Variants in PKNOX1 observed in about 807,000 individuals in gnomAD.
PKNOX1 encodes the protein PBX/knotted 1 homeobox 1.
PKNOX1 carries 15 observed loss-of-function variants against 51.9 expected under a neutral mutation model. The observed-to-expected ratio is 0.29, with a 90% CI of 0.19 to 0.45. The LOEUF (loss-of-function observed/expected upper bound fraction) is 0.45, where lower values mean the gene tolerates loss of function less well. Ranked by LOEUF, PKNOX1 falls within the 20% of genes least tolerant of loss-of-function variation. The pLI, the probability that PKNOX1 is intolerant of heterozygous loss-of-function variation, is 1.00. For synonymous variants in PKNOX1, 219 were observed against 211.1 expected (o/e 1.04, Z -0.32); for missense variants, 462 against 547.5 (o/e 0.84, Z 1.56).
intron 1 of PKNOX1, among the ~76,000 whole-genome samples, chr21:42,980,166 A>G (rs543192933): frequency 9.9e-5 from 15 of 152,184 alleles, no homozygotes; most frequent in African/African-American, 3.6e-4. Context: ...TGAGGTCAGG[A>G]GTTTGAGACC....
intron 6 of PKNOX1, 67 bp downstream of exon 6, chr21:43,017,074 A>T (rs765559454): frequency 9.9e-7 from 1 of 1,006,342 alleles, no homozygotes; most frequent in Admixed American, 1.8e-5. Context: ...GTGTGTTAGA[A>T]TGACAGTATA....
rs1489895622 is a variant in PKNOX1, at chr21:43,022,799, T to C, written c.849+1368T>C. Among the ~76,000 whole-genome samples the C allele has an allele frequency of 7.2e-5, 11 of 152,242 alleles. No homozygotes were observed. In the East Asian group the frequency reaches 1.9e-3, roughly 27 times the overall value. ...CTGGTTTGATGGAGTATCATATGCA[T>C]AGTTAACATGAGGAATGAGGGCTCT... is the stretch of plus-strand genomic sequence containing the variant. On this transcript the variant is annotated intron_variant, in intron 8 of 10. Transcript: ENST00000291547.
intron 1 of PKNOX1, among the ~76,000 whole-genome samples, chr21:42,982,731 C>CA (rs10658050): frequency 0.21 from 26,835 of 129,764 alleles, 3,148 homozygotes; most frequent in Non-Finnish European, 0.24. Flanking sequence ...AACTCCATCT[C>CA]AAAAAAAAAA....
chr21:42,989,786 CAT>C (rs2059076269), intron 1 of PKNOX1, among the ~76,000 whole-genome samples: 1 of 152,126 alleles, frequency 6.6e-6, no homozygotes, highest in Non-Finnish European at 1.5e-5. Flanking sequence ...GGGATATTAA[CAT>C]ATCATTTACA....
At chr21:42,979,236 G>T (rs1227596630) in intron 1 of PKNOX1, among the ~76,000 whole-genome samples, 2 of 152,126 alleles carry the variant, frequency 1.3e-5, no homozygotes, top group Non-Finnish European at 2.9e-5. Flanking sequence ...AAAGATCACT[G>T]ATCACAGATC....
intron 5 of PKNOX1, among the ~76,000 whole-genome samples, chr21:43,015,262 C>G (rs1355853171): frequency 6.6e-6 from 1 of 152,190 alleles, no homozygotes; most frequent in Non-Finnish European, 1.5e-5. Flanking sequence ...AGGAGGTTAT[C>G]CTATATTGCT....
At chr21:43,017,936 G>T (rs1265875682) in intron 6 of PKNOX1, 197 bp from the exon 7 acceptor site, 2 of 520,454 alleles carry the variant, frequency 3.8e-6, no homozygotes, top group Non-Finnish European at 6.8e-6. Flanking sequence ...AGGGCTGGTC[G>T]CAGTGCCTCA....
chr21:43,018,047 CAAAAAAA>C (rs60175567), intron 6 of PKNOX1, 79 bp from the exon 7 acceptor site: 53 of 279,932 alleles, frequency 1.9e-4, no homozygotes, highest in African/African-American at 3.1e-4. Context: ...CCTGTCTCTA[CAAAAAAA>C]AAAAAAAAAA....
chr21:43,000,005 C>T (rs923506571), intron 1 of PKNOX1, among the ~76,000 whole-genome samples: 1 of 152,162 alleles, frequency 6.6e-6, no homozygotes, highest in East Asian at 1.9e-4. Context: ...TAAAACATAA[C>T]AAGTCACCTT....
In PKNOX1 at chr21:42,991,979, G is replaced by A. The variant is rs11909455; in HGVS notation, c.-56-12347G>A. Among the ~76,000 whole-genome samples the A allele has an allele frequency of 4.1e-3, 626 of 152,258 alleles. 4 individuals are homozygous for A. The highest frequency in any genetic ancestry group is 0.014 in the African/African-American group (594 of 41,538). ...ACTCAGCTTCCAAACCTTTGCTCTT[G>A]CTGGAGATGCACTACTACAAATAAG... On this transcript the variant is annotated intron_variant, in intron 1 of 10. Transcript: ENST00000291547.
At chr21:43,007,701 T>A in intron 3 of PKNOX1, 83 bp downstream of exon 3, 1 of 1,489,200 alleles carries the variant, frequency 6.7e-7, no homozygotes, top group Non-Finnish European at 9.3e-7. Context: ...CCAGAACTAG[T>A]AGCGAGGCAG....
Position 43,028,807 on chromosome 21 carries a change from G to A in PKNOX1, c.1032G>A (p.Arg344=). 7 of 1,614,118 alleles carry A rather than the reference G, an allele frequency of 4.3e-6. No homozygotes were observed. The highest frequency in any genetic ancestry group is 3.3e-5 in the South Asian group (3 of 91,078). Reference sequence around the variant, plus strand: ...CTGCTCAGAACCGGCCAGTTCAGAGGTTTTGGCCTGATTCTATTGCATCAG... The same window carrying A: ...CTGCTCAGAACCGGCCAGTTCAGAGATTTTGGCCTGATTCTATTGCATCAG... ...KKTAQNRPVQ[R]FWPDSIASGV... Residue 344 remains arginine, a synonymous_variant, in exon 10 of 11, where the codon AGG becomes AGA. Transcript: ENST00000291547.
At chr21:42,996,009 C>T (rs1341883710) in intron 1 of PKNOX1, among the ~76,000 whole-genome samples, 3 of 151,714 alleles carry the variant, frequency 2.0e-5, no homozygotes, top group African/African-American at 7.3e-5. Flanking sequence ...AGGCCAGGAG[C>T]TTGAGACCAG....
At chr21:43,012,949 C>A in intron 4 of PKNOX1, 119 bp from the exon 5 acceptor site, 1 of 748,874 alleles carries the variant, frequency 1.3e-6, no homozygotes, top group Non-Finnish European at 2.2e-6. Flanking sequence ...TGTTATTCCA[C>A]TTTGGTTATT....
rs764423241 is a variant in PKNOX1 at position 43,007,543 on chromosome 21, C to A, written c.104C>A (p.Pro35His). ...KTEQDPNCSE[P>H]DAEGVSPPPV... ...GAACAAGATCCAAACTGCTCTGAAC[C>A]CGATGCAGAAGGAGTGAGCCCTCCC... The change falls in exon 3 of 11, where the codon CCC becomes CAC. Residue 35 changes from proline to histidine, a missense_variant. Pro to His is a moderately conservative substitution (Grantham distance 77, BLOSUM62 -2). Around this residue, in one of 5 missense-constraint regions of PKNOX1, gnomAD observed 129 missense variants for 133.4 expected, o/e 0.97. Transcript: ENST00000291547. 3.1e-6 allele frequency: 5 copies of A among 1,613,678 alleles called. No individual in the cohort carries two copies. The African/African-American group carries it at 6.7e-5, about 22-fold the overall frequency.
At chr21:42,981,860 A>G (rs2059028078) in intron 1 of PKNOX1, among the ~76,000 whole-genome samples, 1 of 152,128 alleles carries the variant, frequency 6.6e-6, no homozygotes, top group Admixed American at 6.5e-5. Context: ...TGCAGGGATA[A>G]AGAAAACAGG....
chr21:42,991,828 G>A (rs2059089354), intron 1 of PKNOX1, among the ~76,000 whole-genome samples: 1 of 152,062 alleles, frequency 6.6e-6, no homozygotes, highest in South Asian at 2.1e-4. Flanking sequence ...ACCCTGGGCA[G>A]TTTTTAGTAT....
intron 9 of PKNOX1, among the ~76,000 whole-genome samples, chr21:43,026,538 C>T (rs1001272969): frequency 3.9e-5 from 6 of 152,118 alleles, no homozygotes; most frequent in South Asian, 2.1e-4. Flanking sequence ...GTGGGCAGAT[C>T]ACGAGGTCAG....
rs1265666738 is a variant in PKNOX1, at chr21:43,033,359, G to A, written c.*3258G>A. ...TTTTCATTGAGACAAACTCCAGGGTGTCCAGAGGGGGTTCTGCCCCTTGTG... is the reference window on the plus strand; with the variant it reads ...TTTTCATTGAGACAAACTCCAGGGTATCCAGAGGGGGTTCTGCCCCTTGTG... On this transcript the variant is annotated 3_prime_UTR_variant, in exon 11 of 11. Transcript: ENST00000291547. 1 of 152,636 alleles carries A rather than the reference G, an allele frequency of 6.6e-6. No homozygotes were observed. The highest frequency in any genetic ancestry group is 1.5e-5 in the Non-Finnish European group (1 of 68,048). The allele number at this position is 152,636 out of a possible 1,614,324, so 9.5% of individuals were successfully genotyped here.
Sources: allele counts gnomAD v4.1 joint callset (sites outside exome capture counted in the v4.1 genomes callset), GRCh38; gene constraint gnomAD v4.1.1; regional missense constraint gnomAD v4.1.1; transcripts MANE v1.5; gene names NCBI Gene and HGNC (gene_info 2026-07-23, HGNC 2026-07-21).